Variants in SLC4A5 observed in about 807,000 individuals in gnomAD.
SLC4A5 encodes solute carrier family 4 member 5.
In SLC4A5, 96 loss-of-function variants were observed where a neutral mutation model predicts 120.4. That is an observed-to-expected ratio of 0.80 (90% confidence interval 0.68 to 0.94). SLC4A5 has a LOEUF of 0.94. SLC4A5 is among the 40% of genes least tolerant of loss of function. SLC4A5 has a pLI of 0.00. For missense variants in SLC4A5, 1,259 were observed against 1,459.5 expected (o/e 0.86, Z 2.24); for synonymous variants, 550 against 571.1 (o/e 0.96, Z 0.53).
chr2:74,322,506 A>T (rs535498896), intron 5 of SLC4A5, among the ~76,000 whole-genome samples: 1 of 152,286 alleles, frequency 6.6e-6, no homozygotes, highest in Non-Finnish European at 1.5e-5. Context: ...ACTTCTGGGG[A>T]AGGATAAGGT....
At chr2:74,335,757 A>G (rs915579618) in intron 3 of SLC4A5, among the ~76,000 whole-genome samples, 2 of 152,338 alleles carry the variant, frequency 1.3e-5, no homozygotes, top group East Asian at 3.9e-4. Context: ...AAACATCTAG[A>G]AATAAACTCG....
intron 8 of SLC4A5, among the ~76,000 whole-genome samples, chr2:74,277,534 G>A (rs897593736): frequency 1.3e-5 from 2 of 152,164 alleles, no homozygotes; most frequent in African/African-American, 2.4e-5. Flanking sequence ...GGGTGACAGG[G>A]CGAGACTCCG....
intron 6 of SLC4A5, 81 bp downstream of exon 6, chr2:74,314,864 G>A: frequency 1.2e-5 from 15 of 1,294,194 alleles, no homozygotes; most frequent in Middle Eastern, 1.9e-4. Flanking sequence ...AGACTCTCCT[G>A]CTGAAAGAGC....
chr2:74,301,745 GAA>G (rs1272579579), intron 7 of SLC4A5, among the ~76,000 whole-genome samples: 1 of 152,216 alleles, frequency 6.6e-6, no homozygotes, highest in Admixed American at 6.5e-5. Flanking sequence ...GCTTAGAAGT[GAA>G]AGACTGAGGG....
intron 7 of SLC4A5, among the ~76,000 whole-genome samples, chr2:74,288,510 A>T (rs1042267892): frequency 6.6e-6 from 1 of 152,220 alleles, no homozygotes; most frequent in Non-Finnish European, 1.5e-5. Flanking sequence ...TATGGCTCTT[A>T]TAACGTGGCA....
At chr2:74,328,539 G>T (rs1332687514) in intron 4 of SLC4A5, among the ~76,000 whole-genome samples, 1 of 152,150 alleles carries the variant, frequency 6.6e-6, no homozygotes, top group African/African-American at 2.4e-5. Flanking sequence ...GTCTTGGAGG[G>T]ATGTTAGAGC....
rs748099034 is a variant in SLC4A5 at position 74,222,834 on chromosome 2, G to A, written c.3331+34C>T. 4.5e-6 allele frequency: 7 copies of A among 1,540,794 alleles called. No individual in the cohort carries two copies. In the Admixed American group the frequency reaches 8.3e-5, roughly 18 times the overall value. On this transcript the variant is annotated intron_variant, in intron 29 of 30. Transcript: ENST00000394019. ...AGGGGAAAGACATGGAGGACTAGTA[G>A]TAAGAAGGGAGAGACATCATGTGTT... is the stretch of plus-strand genomic sequence containing the variant.
At chr2:74,312,267 G>C (rs1183451747) in intron 6 of SLC4A5, among the ~76,000 whole-genome samples, 2 of 151,736 alleles carry the variant, frequency 1.3e-5, no homozygotes, top group Non-Finnish European at 2.9e-5. Context: ...GTGTGTGTGT[G>C]TGTGTATATG....
chr2:74,314,891 A>G (rs1672914846), intron 6 of SLC4A5, 54 bp downstream of exon 6: 6 of 1,492,336 alleles, frequency 4.0e-6, no homozygotes, highest in Non-Finnish European at 4.7e-6. Flanking sequence ...AAAGACATTC[A>G]GAGAATTCTC....
intron 5 of SLC4A5, chr2:74,319,627 T>TG (rs1673048057): frequency 6.6e-6 from 1 of 152,134 alleles, no homozygotes; most frequent in Non-Finnish European, 1.5e-5. Context: ...AAACTTCCCC[T>TG]CCCTATATGA....
intron 12 of SLC4A5, among the ~76,000 whole-genome samples, chr2:74,258,829 C>T (rs910021271): frequency 1.3e-5 from 2 of 152,172 alleles, no homozygotes; most frequent in African/African-American, 4.8e-5. Context: ...GAGGGGCTGA[C>T]TTTGTTTTTG....
rs547670286 is a variant in SLC4A5 at position 74,254,182 on chromosome 2, C to T, written c.1113+437G>A. 4.7e-4 allele frequency among the ~76,000 whole-genome samples: 72 copies of T among 151,704 alleles called. 1 individual carries two copies. Among genetic ancestry groups the T allele is most frequent in the African/African-American group, 1.7e-3 (72 of 41,340 alleles). ...TCTGCTTACAGGCTCTGTGTAGTCT[C>T]TGGCTCACCTCTCCAGTATTACCTC... On this transcript the variant is annotated intron_variant, in intron 14 of 30. Coordinates refer to ENST00000394019, the Ensembl canonical transcript of SLC4A5.
exon 31 of SLC4A5, chr2:74,218,493 G>C (rs1231707602): frequency 6.6e-6 from 1 of 152,172 alleles, no homozygotes; most frequent in East Asian, 1.9e-4. Flanking sequence ...TTCATCAATA[G>C]ATCTCCAGTT....
chr2:74,266,406 C>T (rs1671303756), intron 8 of SLC4A5, among the ~76,000 whole-genome samples: 2 of 152,116 alleles, frequency 1.3e-5, no homozygotes, highest in South Asian at 2.1e-4. Flanking sequence ...GTAGCTGGGA[C>T]TACATGCATG....
At chr2:74,273,829 G>A (rs1052324664) in intron 8 of SLC4A5, among the ~76,000 whole-genome samples, 1 of 152,228 alleles carries the variant, frequency 6.6e-6, no homozygotes, top group African/African-American at 2.4e-5. Flanking sequence ...CTTTGACAGA[G>A]GCACTAAAAA....
At chr2:74,318,970 G>A (rs1673030515) in intron 5 of SLC4A5, among the ~76,000 whole-genome samples, 1 of 152,068 alleles carries the variant, frequency 6.6e-6, no homozygotes, top group Non-Finnish European at 1.5e-5. Context: ...ATCAATGGAG[G>A]ATTGGATAAG....
At chr2:74,332,824 C>T (rs540522976) in intron 4 of SLC4A5, among the ~76,000 whole-genome samples, 8 of 152,228 alleles carry the variant, frequency 5.3e-5, no homozygotes, top group Admixed American at 3.9e-4. Context: ...CATCCCTGCC[C>T]TTCCCTGTGG....
intron 7 of SLC4A5, among the ~76,000 whole-genome samples, chr2:74,293,651 A>G (rs1045059522): frequency 6.6e-6 from 1 of 152,284 alleles, no homozygotes; most frequent in South Asian, 2.1e-4. Context: ...CACTGCGCTC[A>G]CCCACTTGAG....
chr2:74,234,353 G>T (rs931530467), intron 22 of SLC4A5, among the ~76,000 whole-genome samples: 3 of 151,950 alleles, frequency 2.0e-5, no homozygotes, highest in Admixed American at 1.3e-4. Flanking sequence ...TAATTTTTTA[G>T]TATCTGTAGT....
Sources: gnomAD v4.1 joint callset for allele counts (sites outside exome capture counted in the v4.1 genomes callset) on GRCh38, gnomAD v4.1.1 for gene constraint, MANE v1.5 for transcripts, NCBI Gene and HGNC (gene_info 2026-07-23, HGNC 2026-07-21) for gene names.